HYCC1: variants seen among roughly 807,000 people sequenced by gnomAD.
HYCC1 encodes hyccin.
the HYCC1 span, chr7:22,961,105 A>T: frequency 1.6e-6 from 1 of 619,086 alleles, no homozygotes; most frequent in Non-Finnish European, 2.9e-6. Flanking sequence ...TAAAACTTCC[A>T]TGTATAACAA....
At chr7:22,979,033 A>G in the HYCC1 span, among the ~76,000 whole-genome samples, 6 of 152,180 alleles carry the variant, frequency 3.9e-5, no homozygotes, top group Non-Finnish European at 5.9e-5. Context: ...TCATAATCAA[A>G]TATGTTAAGA....
At chr7:22,911,748 C>G in the HYCC1 span, among the ~76,000 whole-genome samples, 270 of 152,304 alleles carry the variant, frequency 1.8e-3, no homozygotes, top group African/African-American at 6.1e-3. Context: ...CACAGCAAGA[C>G]TCCATATCAA....
chr7:22,978,554 T>C, the HYCC1 span: 2 of 962,844 alleles, frequency 2.1e-6, no homozygotes, highest in Non-Finnish European at 3.2e-6. Context: ...CATATCTTTT[T>C]AAGTTCTTAA....
chr7:22,940,235 T>C, the HYCC1 span: 1 of 105,838 alleles, frequency 9.4e-6, no homozygotes, highest in African/African-American at 3.8e-5. Flanking sequence ...TAATAGGTTC[T>C]GTTTTTTTTT....
the HYCC1 span, chr7:22,964,404 G>A: frequency 5.7e-6 from 8 of 1,402,178 alleles, no homozygotes; most frequent in Admixed American, 1.3e-4. Context: ...CGCATATGAT[G>A]AGATACTTAC....
chr7:23,003,695 T>G, the HYCC1 span, among the ~76,000 whole-genome samples: 3 of 152,072 alleles, frequency 2.0e-5, no homozygotes, highest in African/African-American at 7.2e-5. Flanking sequence ...AAGTTGGGAG[T>G]TAATGTCTTA....
chr7:22,990,205 C>T, the HYCC1 span, among the ~76,000 whole-genome samples: 31 of 152,284 alleles, frequency 2.0e-4, no homozygotes, highest in African/African-American at 7.2e-4. Context: ...AATAGCCCTG[C>T]TTTGTTTTGA....
chr7:23,009,317 T>C, the HYCC1 span, among the ~76,000 whole-genome samples: 2 of 152,168 alleles, frequency 1.3e-5, no homozygotes, highest in South Asian at 2.1e-4. Flanking sequence ...AATAAGGCTG[T>C]GACAATAATA....
chr7:22,992,184 C>A, the HYCC1 span, among the ~76,000 whole-genome samples: 2 of 151,864 alleles, frequency 1.3e-5, no homozygotes, highest in Non-Finnish European at 2.9e-5. Flanking sequence ...ACGAAAGTAT[C>A]CAGATATGCC....
the HYCC1 span, among the ~76,000 whole-genome samples, chr7:22,919,635 GGAATT>G: frequency 2.0e-5 from 3 of 151,948 alleles, no homozygotes; most frequent in African/African-American, 2.4e-5. Context: ...TGGAAATACT[GGAATT>G]GAAAAGTAGA....
At chr7:22,921,807 T>G in the HYCC1 span, among the ~76,000 whole-genome samples, 1 of 152,190 alleles carries the variant, frequency 6.6e-6, no homozygotes, top group Admixed American at 6.5e-5. Context: ...TCACATTCAA[T>G]TGAGAAACCT....
the HYCC1 span, among the ~76,000 whole-genome samples, chr7:23,008,516 C>A: frequency 6.6e-6 from 1 of 151,976 alleles, no homozygotes; most frequent in Non-Finnish European, 1.5e-5. Context: ...CTTTTAGGAT[C>A]CTAACTGCCT....
At chr7:22,946,225 A>ATTTGGTGTTAATCAT in the HYCC1 span, 1 of 1,313,168 alleles carries the variant, frequency 7.6e-7, no homozygotes, top group Non-Finnish European at 1.1e-6. Flanking sequence ...TTTTTAAATG[A>ATTTGGTGTTAATCAT]TTAACACCAA....
chr7:22,937,197 A>G, the HYCC1 span: 1 of 152,198 alleles, frequency 6.6e-6, no homozygotes, highest in Non-Finnish European at 1.5e-5. Flanking sequence ...TATGTTGGCT[A>G]AATGAAGAGA....
the HYCC1 span, chr7:22,936,305 A>G: frequency 1.3e-5 from 2 of 152,186 alleles, no homozygotes; most frequent in Non-Finnish European, 2.9e-5. Flanking sequence ...TAGGATGGTC[A>G]CTGCTGCTGG....
At chr7:22,936,459 A>T in the HYCC1 span, 4 of 152,268 alleles carry the variant, frequency 2.6e-5, no homozygotes, top group Non-Finnish European at 5.9e-5. Flanking sequence ...AAAGAGATTT[A>T]CTGATATCCT....
the HYCC1 span, chr7:22,983,991 A>G: frequency 6.2e-7 from 1 of 1,609,578 alleles, no homozygotes; most frequent in Non-Finnish European, 8.5e-7. Context: ...GAAACTAAAG[A>G]ACTCTTGTCT....
chr7:22,907,755 T>C, the HYCC1 span, among the ~76,000 whole-genome samples: 3,187 of 151,930 alleles, frequency 0.021, 108 homozygotes, highest in African/African-American at 0.074. Context: ...ACTAAAAAAA[T>C]ACAAAAGTTA....
chr7:23,009,389 T>G, the HYCC1 span, among the ~76,000 whole-genome samples: 1 of 152,222 alleles, frequency 6.6e-6, no homozygotes, highest in Admixed American at 6.5e-5. Context: ...AAATTAGGGA[T>G]GCCTTCCTCT....
Sources: gnomAD v4.1 joint callset for allele counts (sites outside exome capture counted in the v4.1 genomes callset) on GRCh38, gnomAD v4.1.1 for gene constraint, MANE v1.5 for transcripts, NCBI Gene and HGNC (gene_info 2026-07-23, HGNC 2026-07-21) for gene names.